Variants in VDAC1 observed in about 807,000 individuals in gnomAD.
The protein encoded by VDAC1 is non-selective voltage-gated ion channel VDAC1.
In VDAC1, 10 loss-of-function variants were observed where a neutral mutation model predicts 34.7. That is an observed-to-expected ratio of 0.29 (90% CI 0.18 to 0.49). The LOEUF (loss-of-function observed/expected upper bound fraction) is 0.49. VDAC1 is among the 20% of genes least tolerant of loss of function. VDAC1 has a pLI of 0.99. For synonymous variants in VDAC1, 130 were observed against 136.0 expected, an observed-to-expected ratio of 0.96 and a Z score of 0.30; for missense variants, 230 against 347.9, an observed-to-expected ratio of 0.66 and a Z score of 2.69.
chr5:134,030,340 CA>C, the VDAC1 span, among the ~76,000 whole-genome samples: 49 of 138,714 alleles, frequency 3.5e-4, no homozygotes, highest in Non-Finnish European at 4.1e-4. Context: ...AACTCCATCT[CA>C]AAAAAAAAAA....
chr5:134,053,519 G>A, the VDAC1 span, among the ~76,000 whole-genome samples: 5 of 152,212 alleles, frequency 3.3e-5, no homozygotes, highest in Non-Finnish European at 7.3e-5. Context: ...AGCACTGAGC[G>A]CAGCCTGCAT....
the VDAC1 span, among the ~76,000 whole-genome samples, chr5:134,067,890 G>A: frequency 6.6e-6 from 1 of 152,192 alleles, no homozygotes; most frequent in Non-Finnish European, 1.5e-5. Context: ...GGCCAAGGAA[G>A]GCGGATCACT....
intron 5 of VDAC1, 60 bp from the exon 6 acceptor site, chr5:133,981,016 C>CTTTT: frequency 8.4e-7 from 1 of 1,186,046 alleles, no homozygotes; most frequent in Non-Finnish European, 1.2e-6. Context: ...TGCAAGTTGT[C>CTTTT]TTTTTTTTTT....
At chr5:134,011,997 C>G in the VDAC1 span, among the ~76,000 whole-genome samples, 7 of 151,012 alleles carry the variant, frequency 4.6e-5, no homozygotes, top group Non-Finnish European at 8.8e-5. Flanking sequence ...GATTTAATGA[C>G]AGAAGCAGAG....
At chr5:134,101,231 C>A in the VDAC1 span, among the ~76,000 whole-genome samples, 1 of 152,308 alleles carries the variant, frequency 6.6e-6, no homozygotes, top group African/African-American at 2.4e-5. Flanking sequence ...AGGGGCCTGA[C>A]CTTGGGCACT....
chr5:134,037,045 A>T, the VDAC1 span, among the ~76,000 whole-genome samples: 21 of 152,200 alleles, frequency 1.4e-4, no homozygotes, highest in African/African-American at 5.1e-4. Context: ...CCTCAGGCTG[A>T]TGAGGATGCA....
chr5:134,110,134 C>A, the VDAC1 span, among the ~76,000 whole-genome samples: 1 of 152,250 alleles, frequency 6.6e-6, no homozygotes, highest in African/African-American at 2.4e-5. Context: ...ATAGTCCTAA[C>A]AAGCCCTGTG....
the VDAC1 span, among the ~76,000 whole-genome samples, chr5:134,076,891 T>C: frequency 6.6e-6 from 1 of 152,192 alleles, no homozygotes; most frequent in Non-Finnish European, 1.5e-5. Flanking sequence ...TGTGGGTACC[T>C]AACAGGAGAT....
the VDAC1 span, among the ~76,000 whole-genome samples, chr5:134,061,602 G>A: frequency 6.6e-6 from 1 of 151,490 alleles, no homozygotes; most frequent in Non-Finnish European, 1.5e-5. Context: ...TGAACTCCTG[G>A]ACTCAAGGGA....
chr5:134,091,427 G>A, the VDAC1 span, among the ~76,000 whole-genome samples: 1 of 152,110 alleles, frequency 6.6e-6, no homozygotes, highest in Non-Finnish European at 1.5e-5. Flanking sequence ...CTAGGCAGAT[G>A]GGGAAAGTTC....
At chr5:134,102,334 AC>A in the VDAC1 span, among the ~76,000 whole-genome samples, 11,654 of 95,416 alleles carry the variant, frequency 0.12, 718 homozygotes, top group East Asian at 0.41. Flanking sequence ...CCCACCCTCT[AC>A]CCCCCCCACC....
chr5:134,113,323 G>A, the VDAC1 span, among the ~76,000 whole-genome samples: 1 of 152,242 alleles, frequency 6.6e-6, no homozygotes, highest in Non-Finnish European at 1.5e-5. Flanking sequence ...GGGGAGGGGG[G>A]TGTGGGGGCT....
chr5:134,027,922 C>G, the VDAC1 span, among the ~76,000 whole-genome samples: 1 of 151,486 alleles, frequency 6.6e-6, no homozygotes, highest in African/African-American at 2.4e-5. Context: ...AGGCGCCCAC[C>G]ACCATACCCT....
upstream of VDAC1, among the ~76,000 whole-genome samples, chr5:134,008,161 TCCCCG>T (rs1753785685): frequency 3.1e-5 from 4 of 130,062 alleles, no homozygotes; most frequent in Admixed American, 3.1e-4. Context: ...CCGCCCCCGA[TCCCCG>T]CCCCGCAGGG....
the VDAC1 span, among the ~76,000 whole-genome samples, chr5:134,102,048 G>A: frequency 6.6e-6 from 1 of 152,256 alleles, no homozygotes; most frequent in East Asian, 1.9e-4. Flanking sequence ...AGCGGCAGCA[G>A]CTGTGATGGG....
chr5:134,114,113 G>T, the VDAC1 span, among the ~76,000 whole-genome samples: 1 of 152,234 alleles, frequency 6.6e-6, no homozygotes, highest in African/African-American at 2.4e-5. Flanking sequence ...CTCAATAAAT[G>T]TGCGAAGGGG....
chr5:133,977,554 A>T (rs555086972), intron 6 of VDAC1, among the ~76,000 whole-genome samples: 3 of 152,266 alleles, frequency 2.0e-5, no homozygotes, highest in Admixed American at 2.0e-4. Flanking sequence ...CAGCCTATAC[A>T]AACTCTGCAG....
the VDAC1 span, among the ~76,000 whole-genome samples, chr5:134,033,407 C>T: frequency 4.0e-5 from 6 of 151,402 alleles, no homozygotes; most frequent in Admixed American, 1.3e-4. Context: ...CCGCCCGCCT[C>T]GGCCTCCCAA....
upstream of VDAC1, chr5:134,005,124 C>T (rs1276430674): frequency 6.6e-6 from 1 of 152,228 alleles, no homozygotes; most frequent in Non-Finnish European, 1.5e-5. Flanking sequence ...CCGGAGGTCC[C>T]TGCGCTAATG....
Sources: allele counts gnomAD v4.1 joint callset (sites outside exome capture counted in the v4.1 genomes callset), GRCh38; gene constraint gnomAD v4.1.1; transcripts MANE v1.5; gene names NCBI Gene and HGNC (gene_info 2026-07-23, HGNC 2026-07-21).